Variants in RASGRP3 observed in about 807,000 individuals in gnomAD.
RASGRP3 encodes the protein RAS guanyl releasing protein 3.
Under a neutral mutation model 82.7 loss-of-function variants are expected in RASGRP3, and 54 were observed. The observed-to-expected ratio is 0.65, with a 90% CI of 0.52 to 0.82. RASGRP3 has a LOEUF of 0.82. Among genes scored for constraint, RASGRP3 ranks in the 40% least tolerant of loss-of-function variants. The probability of loss-of-function intolerance (pLI) is 0.00; values close to 1 mark genes in which losing one functional copy is unlikely to be tolerated. For synonymous variants in RASGRP3, 309 were observed against 300.5 expected, an observed-to-expected ratio of 1.03 and a Z score of -0.29; for missense variants, 861 against 828.9, an observed-to-expected ratio of 1.04 and a Z score of -0.48.
chr2:33,461,913 T>G lies in RASGRP3; in HGVS notation c.-261+13970T>G, dbSNP rs142853459. ...TAAAAGCCCAGGCCTCACGAGGTTATAACCAAGAGGCTGTGATGGTTGAAT... is the reference window on the plus strand; with the variant it reads ...TAAAAGCCCAGGCCTCACGAGGTTAGAACCAAGAGGCTGTGATGGTTGAAT... On this transcript the variant is annotated intron_variant, in intron 2 of 18. Coordinates refer to the RASGRP3 transcript ENST00000402538. Among the ~76,000 whole-genome samples, 231 of 152,332 alleles carry G rather than the reference T, an allele frequency of 1.5e-3. 2 individuals are homozygous for G. The highest frequency in any genetic ancestry group is 5.3e-3 in the African/African-American group (220 of 41,574).
chr2:33,523,740 T>C, intron 7 of RASGRP3, 139 bp from the exon 8 acceptor site: 2 of 933,428 alleles, frequency 2.1e-6, no homozygotes, highest in Non-Finnish European at 3.1e-6. Context: ...TTCAAACTTT[T>C]AGGATGCCAT....
chr2:33,537,205 A>ATATG (rs1453912981), intron 11 of RASGRP3, among the ~76,000 whole-genome samples: 2 of 150,960 alleles, frequency 1.3e-5, no homozygotes, highest in African/African-American at 4.9e-5. Flanking sequence ...ATATATATAT[A>ATATG]TATATCTCAA....
upstream of RASGRP3, among the ~76,000 whole-genome samples, chr2:33,474,319 TAGTG>T (rs1293321221): frequency 6.6e-6 from 1 of 152,150 alleles, no homozygotes; most frequent in East Asian, 1.9e-4. Flanking sequence ...GTTCTCATGA[TAGTG>T]AGTGAGTTCT....
chr2:33,505,153 T>TCAC (rs10652330), intron 1 of RASGRP3, among the ~76,000 whole-genome samples: 16,619 of 149,968 alleles, frequency 0.11, 1,158 homozygotes, highest in African/African-American at 0.19. Context: ...ATCATCATCA[T>TCAC]CACCACCACC....
intron 12 of RASGRP3, among the ~76,000 whole-genome samples, chr2:33,543,216 T>G (rs572614870): frequency 7.3e-4 from 111 of 152,268 alleles, no homozygotes; most frequent in Admixed American, 1.5e-3. Context: ...GGTCTCTCTA[T>G]ATTGCTCAGG....
At chr2:33,500,027 G>C (rs1669720037) in intron 1 of RASGRP3, among the ~76,000 whole-genome samples, 1 of 152,186 alleles carries the variant, frequency 6.6e-6, no homozygotes, top group Admixed American at 6.5e-5. Context: ...GGAAGGGTGA[G>C]GAAGGAAGAG....
intron 16 of RASGRP3, 90 bp downstream of exon 16, chr2:33,558,426 G>C: frequency 6.3e-7 from 1 of 1,588,140 alleles, no homozygotes; most frequent in South Asian, 1.1e-5. Context: ...TCTAAACCCG[G>C]TCAGTCACTC....
intron 1 of RASGRP3, among the ~76,000 whole-genome samples, chr2:33,503,841 G>A (rs770354248): frequency 1.3e-5 from 2 of 152,064 alleles, no homozygotes; most frequent in Non-Finnish European, 2.9e-5. Context: ...GCGTCTAAAT[G>A]GTAAAGGAAA....
At chr2:33,538,459 T>C (rs1228272308) in intron 11 of RASGRP3, among the ~76,000 whole-genome samples, 4 of 151,936 alleles carry the variant, frequency 2.6e-5, no homozygotes, top group African/African-American at 7.2e-5. Context: ...GCCGAGATCA[T>C]GCCACTGCAC....
At chr2:33,520,789 G>T in intron 6 of RASGRP3, 105 bp downstream of exon 6, 1 of 1,476,570 alleles carries the variant, frequency 6.8e-7, no homozygotes, top group Non-Finnish European at 9.2e-7. Context: ...CTGAATCCAG[G>T]TTTGCTTCTG....
chr2:33,498,329 C>CCCCCAA (rs1669523934), intron 1 of RASGRP3, among the ~76,000 whole-genome samples: 1 of 152,166 alleles, frequency 6.6e-6, no homozygotes, highest in Non-Finnish European at 1.5e-5. Flanking sequence ...AAATAACTTA[C>CCCCCAA]CCCCAAACCA....
chr2:33,492,337 G>T (rs1473522390), intron 1 of RASGRP3, among the ~76,000 whole-genome samples: 1 of 152,136 alleles, frequency 6.6e-6, no homozygotes, highest in East Asian at 1.9e-4. Context: ...CCCCAAGGAA[G>T]GCTATGGGCC....
Position 33,535,348 on chromosome 2 carries a change from T to G in RASGRP3, c.1161+948T>G, listed in dbSNP as rs1319543655. ...CAAAATGCCTGGATGAGTTTAAAATTTATAATGAGGTTGAGGCTTGCATGT... is the reference window on the plus strand; with the variant it reads ...CAAAATGCCTGGATGAGTTTAAAATGTATAATGAGGTTGAGGCTTGCATGT... On this transcript the variant is annotated intron_variant, in intron 11 of 17. Coordinates refer to ENST00000403687, the MANE Select transcript of RASGRP3 (RefSeq NM_001139488.2). 2.0e-5 allele frequency among the ~76,000 whole-genome samples: 3 copies of G among 152,388 alleles called. No individual in the cohort carries two copies. The East Asian group carries it at 5.8e-4, about 29-fold the overall frequency.
At chr2:33,525,495 C>T (rs936562274) in intron 9 of RASGRP3, among the ~76,000 whole-genome samples, 29 of 151,908 alleles carry the variant, frequency 1.9e-4, no homozygotes, top group African/African-American at 7.0e-4. Flanking sequence ...CACTTTGCTA[C>T]TTCAATAAGG....
In RASGRP3 at chr2:33,556,527, G is replaced by A. The variant is rs956032642; in HGVS notation, c.1579+960G>A. 5.6e-5 allele frequency among the ~76,000 whole-genome samples: 5 copies of A among 88,506 alleles called. 1 individual carries two copies. The highest frequency in any genetic ancestry group is 1.1e-4 in the Admixed American group (1 of 9,038). 58.1% of individuals were successfully genotyped at this position (88,506 alleles called of 152,430 possible). ...CTCCCAAAGTGCTGGGATTACAGGC[G>A]TGAGCCACCGCGCCCGGCCTCTTCT... On this transcript the variant is annotated intron_variant, in intron 15 of 17. Transcript: ENST00000403687.
intron 17 of RASGRP3, among the ~76,000 whole-genome samples, chr2:33,562,489 T>C (rs767407239): frequency 6.6e-6 from 1 of 152,060 alleles, no homozygotes; most frequent in Non-Finnish European, 1.5e-5. Context: ...CAGGCTGGTC[T>C]TGAACTCCTG....
At chr2:33,475,894 A>G (rs960362270), upstream of RASGRP3, among the ~76,000 whole-genome samples, 1 of 152,230 alleles carries the variant, frequency 6.6e-6, no homozygotes, top group Non-Finnish European at 1.5e-5. Context: ...TTCTGTTTGC[A>G]TTCACACTCG....
intron 11 of RASGRP3, among the ~76,000 whole-genome samples, chr2:33,538,531 AAAAAT>A (rs1407207854): frequency 1.0e-4 from 15 of 147,938 alleles, no homozygotes; most frequent in Admixed American, 3.3e-4. Context: ...AATAAATAAT[AAAAAT>A]AAAATAATAG....
upstream of RASGRP3, among the ~76,000 whole-genome samples, chr2:33,474,111 G>C (rs2150921351): frequency 6.6e-6 from 1 of 152,238 alleles, no homozygotes; most frequent in East Asian, 1.9e-4. Context: ...GCCTCTAACA[G>C]ACCATGGACA....
Sources: allele counts gnomAD v4.1 joint callset (sites outside exome capture counted in the v4.1 genomes callset), GRCh38; gene constraint gnomAD v4.1.1; transcripts MANE v1.5; gene names NCBI Gene and HGNC (gene_info 2026-07-23, HGNC 2026-07-21).